STKLD1: variants seen among roughly 807,000 people sequenced by gnomAD.
The protein encoded by STKLD1 is serine/threonine kinase like domain containing 1, also known as serine/threonine kinase-like domain-containing protein STKLD1.
Under a neutral mutation model 80.4 loss-of-function variants are expected in STKLD1, and 79 were observed. That is an observed-to-expected ratio of 0.98 (90% CI 0.82 to 1.19). STKLD1 has a LOEUF of 1.19. STKLD1 is among the 50% of genes most tolerant of loss of function. STKLD1 has a pLI of 0.00. For missense variants in STKLD1, 841 were observed against 856.0 expected (o/e 0.98, Z 0.22); for synonymous variants, 393 against 357.6 (o/e 1.10, Z -1.12).
At chr9:133,380,341 G>A (rs2130263319) in intron 2 of STKLD1, among the ~76,000 whole-genome samples, 52 of 151,532 alleles carry the variant, frequency 3.4e-4, no homozygotes, top group African/African-American at 1.2e-3. Context: ...CACCGCGTCC[G>A]GCCTGAGGAG....
chr9:133,398,076 C>A (rs782002663), intron 11 of STKLD1, 21 bp downstream of exon 11: 1 of 1,608,770 alleles, frequency 6.2e-7, no homozygotes, highest in Admixed American at 1.7e-5. Flanking sequence ...CCCTGCACCC[C>A]TTTCCCAGCT....
intron 7 of STKLD1, among the ~76,000 whole-genome samples, chr9:133,392,603 G>GTGGATGGATGGATGGATGGATGGATGGA: frequency 2.7e-5 from 1 of 36,536 alleles, no homozygotes; most frequent in East Asian, 9.3e-4. Context: ...GGATGGATGG[G>GTGGATGGATGGATGGATGGATGGATGGA]TGGATGGATG....
chr9:133,385,843 C>T lies in STKLD1; in HGVS notation c.294+152C>T. 1 of 658,462 alleles carries T rather than the reference C, an allele frequency of 1.5e-6. No homozygotes were observed. 40.8% of individuals were successfully genotyped at this position (658,462 alleles called of 1,614,324 possible). On this transcript the variant is annotated intron_variant, in intron 4 of 17. Coordinates refer to ENST00000371957, the MANE Select transcript of STKLD1 (RefSeq NM_153710.5). This position sits in a 1 kb window ranked among gnomAD's most constrained non-coding sequence, Gnocchi z 4.9. Reference sequence around the variant, plus strand: ...AAACGTGGCCACCCCTGACCTAACACTCACTGGGGCCAGGTACCATGCTGG... The same window carrying T: ...AAACGTGGCCACCCCTGACCTAACATTCACTGGGGCCAGGTACCATGCTGG...
chr9:133,402,709 G>A (rs994353950), intron 13 of STKLD1, among the ~76,000 whole-genome samples, 169 bp from the exon 14 acceptor site: 4 of 152,216 alleles, frequency 2.6e-5, no homozygotes, highest in African/African-American at 9.7e-5. Context: ...CTCCTCTGGG[G>A]CCAGTCCCAC....
intron 2 of STKLD1, among the ~76,000 whole-genome samples, chr9:133,382,191 G>A (rs1838148279): frequency 6.6e-6 from 1 of 152,192 alleles, no homozygotes; most frequent in Non-Finnish European, 1.5e-5. Flanking sequence ...TTCCCCATGT[G>A]GGTAAGGAAT....
Position 133,376,509 on chromosome 9 carries a change from G to A in STKLD1, c.36G>A (p.Thr12=). The A allele has an allele frequency of 1.3e-6, 2 of 1,599,924 alleles. No individual in the cohort carries two copies. Among genetic ancestry groups the A allele is most frequent in the East Asian group, 2.3e-5 (1 of 43,532 alleles). ...LGPGSNRRRP[T]QGERGPGSPG... is the part of the protein sequence containing the mutation. The stretch of plus-strand genomic sequence containing the variant: ...CAGGGTCCAATCGCAGGCGCCCCAC[G>A]CAGGGGGAGCGAGGCCCAGGGTCCC... The change falls in exon 1 of 18, where the codon ACG becomes ACA. Residue 12 remains threonine, a synonymous_variant. Transcript: ENST00000371957.
chr9:133,386,338 C>G (rs1358160486), intron 4 of STKLD1, among the ~76,000 whole-genome samples: 1 of 152,260 alleles, frequency 6.6e-6, no homozygotes. Flanking sequence ...GGGCCTGACT[C>G]CCGGGCTCTG....
chr9:133,388,399 C>G (rs1410665417), intron 5 of STKLD1, among the ~76,000 whole-genome samples: 1 of 152,222 alleles, frequency 6.6e-6, no homozygotes, highest in East Asian at 1.9e-4. Context: ...AGGTGCCCAC[C>G]ACCACACCCA....
chr9:133,392,138 G>C (rs900315689), intron 7 of STKLD1, among the ~76,000 whole-genome samples: 1 of 149,916 alleles, frequency 6.7e-6, no homozygotes, highest in East Asian at 2.0e-4. Context: ...ATGCAGTAGC[G>C]CAATCTCGGC....
Position 133,403,935 on chromosome 9 carries a change from A to G in STKLD1, c.1619A>G (p.Gln540Arg). 4 of 1,607,966 alleles carry G rather than the reference A, an allele frequency of 2.5e-6. No individual in the cohort carries two copies. The South Asian group carries it at 3.3e-5, about 13-fold the overall frequency. ...CTTTCTGCAGGCTGCATCAAGGAGCAGCAGTTTGAACAAGTGGTGGCGCTG... is the reference window on the plus strand; with the variant it reads ...CTTTCTGCAGGCTGCATCAAGGAGCGGCAGTTTGAACAAGTGGTGGCGCTG... ...LLSLLGCIKE[Q>R]QFEQVVALLL... Residue 540 changes from glutamine to arginine, a missense_variant, in exon 16 of 18, where the codon CAG becomes CGG. Gln to Arg is a conservative substitution (Grantham distance 43). Coordinates refer to ENST00000371957, the MANE Select transcript of STKLD1 (RefSeq NM_153710.5).
chr9:133,403,887 G>A (rs782324944), intron 15 of STKLD1, 33 bp from the exon 16 acceptor site: 1 of 1,609,538 alleles, frequency 6.2e-7, no homozygotes, highest in African/African-American at 1.3e-5. Context: ...TCATGGCACA[G>A]CAGGCACAAG....
At position 133,379,050 on chromosome 9, in the gene STKLD1, G is replaced by T. The variant is rs2130259467; in HGVS notation, c.102G>T (p.Leu34=). 6.2e-7 allele frequency: 1 copy of T among 1,613,912 alleles called. No homozygotes were observed. Residue 34 remains leucine, a synonymous_variant, in exon 2 of 18, where the codon CTG becomes CTT. Coordinates refer to ENST00000371957, the MANE Select transcript of STKLD1 (RefSeq NM_153710.5). The stretch of plus-strand genomic sequence containing the variant: ...CTTGCTGATAGGTTTTGTACCAGCT[G>T]AATCCTGGGGCCTTGGGGGTGAACC... ...PMEKYQVLYQ[L]NPGALGVNLV... is the part of the protein sequence containing the mutation.
At chr9:133,379,723 G>A (rs1016776428) in intron 2 of STKLD1, among the ~76,000 whole-genome samples, 7 of 152,180 alleles carry the variant, frequency 4.6e-5, no homozygotes, top group African/African-American at 1.2e-4. Context: ...TTGTGTGTCC[G>A]AGACAGGGAG....
rs869053878 is a variant in STKLD1, at chr9:133,392,074, CT to C, written c.583+1298del. Among the ~76,000 whole-genome samples the C allele has an allele frequency of 5.8e-3, 770 of 132,762 alleles. 3 individuals carry two copies. Among genetic ancestry groups the C allele is most frequent in the African/African-American group, 0.015 (534 of 35,734 alleles). 87.1% of individuals were successfully genotyped at this position (132,762 alleles called of 152,430 possible). On this transcript the variant is annotated intron_variant, in intron 7 of 17. Coordinates refer to ENST00000371957, the MANE Select transcript of STKLD1 (RefSeq NM_153710.5). ...TGGCAGTTGCTGGTTGCACTCTGTC[CT>C]TTTTTTTTTTTTTTTTTTTGAGGCG... is the stretch of plus-strand genomic sequence containing the variant.
intron 17 of STKLD1, 35 bp downstream of exon 17, chr9:133,404,964 C>T: frequency 6.2e-7 from 1 of 1,607,952 alleles, no homozygotes; most frequent in East Asian, 2.2e-5. Context: ...CTCCCTAGAG[C>T]CCAGCGGTCA....
chr9:133,376,709 C>T (rs1425551434), intron 1 of STKLD1, 149 bp downstream of exon 1: 4 of 646,252 alleles, frequency 6.2e-6, no homozygotes, highest in East Asian at 6.5e-5. Context: ...ACCCGGGGGG[C>T]CTCCAACGGT....
chr9:133,390,367 C>G lies in STKLD1; in HGVS notation c.468-314C>G, dbSNP rs2130286458. Among the ~76,000 whole-genome samples the G allele has an allele frequency of 6.6e-6, 1 of 152,198 alleles. No homozygotes were observed. Among genetic ancestry groups the G allele is most frequent in the African/African-American group, 2.4e-5 (1 of 41,440 alleles). On this transcript the variant is annotated intron_variant, in intron 6 of 17. Coordinates refer to ENST00000371957, the MANE Select transcript of STKLD1 (RefSeq NM_153710.5). The surrounding 1 kb of genome is among the most constrained non-coding windows in gnomAD (Gnocchi z 5.1). The stretch of plus-strand genomic sequence containing the variant: ...CCAGGCAAACGTGTAGCTGAGATAT[C>G]TAAGGAGGTGAATGTGTCAATTAAG...
chr9:133,379,238 T>C, intron 2 of STKLD1, 116 bp downstream of exon 2: 1 of 833,978 alleles, frequency 1.2e-6, no homozygotes, highest in Non-Finnish European at 1.9e-6. Context: ...GATTCCTCGC[T>C]GCTGACACTT....
At chr9:133,379,881 G>A (rs2130262075) in intron 2 of STKLD1, among the ~76,000 whole-genome samples, 15 of 152,340 alleles carry the variant, frequency 9.8e-5, no homozygotes, top group African/African-American at 2.6e-4. Context: ...ACTGGGCCAG[G>A]CCTCAGTCCG....
Sources: gnomAD v4.1 joint callset for allele counts (sites outside exome capture counted in the v4.1 genomes callset) on GRCh38, gnomAD v4.1.1 for gene constraint, Gnocchi (gnomAD v3.1) non-coding constraint, MANE v1.5 for transcripts, NCBI Gene and HGNC (gene_info 2026-07-23, HGNC 2026-07-21) for gene names.